Variants in GRAMD1C observed in about 807,000 individuals in gnomAD.
The protein encoded by GRAMD1C is protein Aster-C.
Under a neutral mutation model 97.8 loss-of-function variants are expected in GRAMD1C, and 89 were observed. The ratio of observed to expected loss-of-function variants is 0.91; its 90% CI spans 0.77 to 1.09. The LOEUF is 1.09. Among genes scored for constraint, GRAMD1C ranks in the 50% least tolerant of loss-of-function variants. The pLI, the probability that GRAMD1C is intolerant of heterozygous loss-of-function variation, is 0.00. For synonymous variants in GRAMD1C, 256 were observed against 267.0 expected, an observed-to-expected ratio of 0.96 and a Z score of 0.40; for missense variants, 740 against 766.4, an observed-to-expected ratio of 0.97 and a Z score of 0.41.
At chr3:113,885,056 G>A (rs1406688989) in intron 6 of GRAMD1C, among the ~76,000 whole-genome samples, 2 of 151,202 alleles carry the variant, frequency 1.3e-5, no homozygotes, top group Admixed American at 1.3e-4. Flanking sequence ...AGGCGTCGGT[G>A]CCACTCCCAG....
At chr3:113,931,555 CAG>C (rs1937423561) in intron 11 of GRAMD1C, among the ~76,000 whole-genome samples, 1 of 151,986 alleles carries the variant, frequency 6.6e-6, no homozygotes, top group Non-Finnish European at 1.5e-5. Flanking sequence ...GACGGGGTTT[CAG>C]CATGTTGGTT....
At chr3:113,901,749 G>A (rs1936179914) in intron 7 of GRAMD1C, among the ~76,000 whole-genome samples, 1 of 152,156 alleles carries the variant, frequency 6.6e-6, no homozygotes, top group South Asian at 2.1e-4. Context: ...ACCTCTACAA[G>A]TAAAAGTGCA....
At chr3:113,936,669 T>C in intron 14 of GRAMD1C, 1 of 368,462 alleles carries the variant, frequency 2.7e-6, no homozygotes, top group Non-Finnish European at 4.8e-6. Context: ...GGCCCATGTG[T>C]CATTTTAAGA....
intron 10 of GRAMD1C, 52 bp downstream of exon 10, chr3:113,915,890 C>A (rs774759652): frequency 8.1e-6 from 11 of 1,351,806 alleles, no homozygotes; most frequent in South Asian, 6.0e-5. Context: ...TGCTATTATT[C>A]TTAGAATATT....
At chr3:113,841,285 CTTTTTT>C (rs772233296) in intron 1 of GRAMD1C, among the ~76,000 whole-genome samples, 3 of 94,338 alleles carry the variant, frequency 3.2e-5, no homozygotes, top group African/African-American at 7.7e-5. Flanking sequence ...TTCTTTCTTT[CTTTTTT>C]TTTTTTTTTT....
chr3:113,910,382 CAAAAA>C (rs1163089450), intron 9 of GRAMD1C, among the ~76,000 whole-genome samples: 1 of 152,082 alleles, frequency 6.6e-6, no homozygotes, highest in Non-Finnish European at 1.5e-5. Flanking sequence ...GACTCCGTCT[CAAAAA>C]ACAAAACAAA....
At chr3:113,939,049 G>C (rs1937641425) in intron 15 of GRAMD1C, 1 of 152,102 alleles carries the variant, frequency 6.6e-6, no homozygotes. Flanking sequence ...TTACTCAAAA[G>C]TTGGAATATT....
chr3:113,918,267 T>C (rs1238807187), intron 10 of GRAMD1C, among the ~76,000 whole-genome samples: 1 of 152,182 alleles, frequency 6.6e-6, no homozygotes, highest in African/African-American at 2.4e-5. Context: ...GGAATCTATT[T>C]TGTATTTACT....
At position 113,946,501 on chromosome 3, in the gene GRAMD1C, A is replaced by G. The variant is rs922980127; in HGVS notation, c.*1023A>G. On this transcript the variant is annotated 3_prime_UTR_variant, in exon 18 of 18. Coordinates refer to ENST00000358160, the MANE Select transcript of GRAMD1C (RefSeq NM_017577.5). Reference sequence around the variant, plus strand: ...CTCAGATGCAAGCTTTGGCTCTTTCATAAAAAGTTTTTATGCATATGTGTC... The same window carrying G: ...CTCAGATGCAAGCTTTGGCTCTTTCGTAAAAAGTTTTTATGCATATGTGTC... 2 of 152,244 alleles carry G rather than the reference A, an allele frequency of 1.3e-5. No individual in the cohort carries two copies. The highest frequency in any genetic ancestry group is 4.8e-5 in the African/African-American group (2 of 41,464). 9.4% of individuals were successfully genotyped at this position (152,244 alleles called of 1,614,324 possible).
intron 2 of GRAMD1C, among the ~76,000 whole-genome samples, chr3:113,855,532 C>T (rs1489437528): frequency 6.6e-6 from 1 of 151,432 alleles, no homozygotes. Context: ...GGCAAAACCC[C>T]CTTTCTAATA....
chr3:113,885,764 T>C (rs542944037), intron 6 of GRAMD1C: 5 of 1,592,412 alleles, frequency 3.1e-6, no homozygotes, highest in Admixed American at 3.3e-5. Flanking sequence ...AGAGGAGATA[T>C]TACAGACAGC....
At chr3:113,870,100 G>A (rs908795279) in intron 3 of GRAMD1C, among the ~76,000 whole-genome samples, 6 of 152,202 alleles carry the variant, frequency 3.9e-5, no homozygotes, top group Middle Eastern at 3.4e-3. Flanking sequence ...GGTGACTCAT[G>A]CCTGTTATCC....
At chr3:113,932,042 G>A (rs1436047004) in intron 11 of GRAMD1C, among the ~76,000 whole-genome samples, 1 of 152,198 alleles carries the variant, frequency 6.6e-6, no homozygotes, top group Non-Finnish European at 1.5e-5. Context: ...TGACACATGG[G>A]AAGAGAATGA....
At chr3:113,877,783 T>A (rs1577154286) in intron 5 of GRAMD1C, among the ~76,000 whole-genome samples, 1 of 138,574 alleles carries the variant, frequency 7.2e-6, no homozygotes, top group South Asian at 2.2e-4. Context: ...TGGGGAAAGG[T>A]TTTTTTTTTT....
chr3:113,945,409 A>G lies in GRAMD1C; in HGVS notation c.1920A>G (p.Ser640=), dbSNP rs749785797. Reference sequence around the variant, plus strand: ...AACTTTGTTTACAGCTGAAGAGCTCACTCATTATGCTTCAGAAAACGTTTG... The same window carrying G: ...AACTTTGTTTACAGCTGAAGAGCTCGCTCATTATGCTTCAGAAAACGTTTG... ...SIVMLEQLKS[S]LIMLQKTFDL... The change falls in exon 18 of 18, where the codon TCA becomes TCG. Residue 640 remains serine, a synonymous_variant. Transcript: ENST00000358160. The G allele has an allele frequency of 1.3e-6, 2 of 1,574,254 alleles. No homozygotes were observed. Among genetic ancestry groups the G allele is most frequent in the Non-Finnish European group, 1.7e-6 (2 of 1,146,136 alleles).
chr3:113,862,112 C>T (rs1217618277), intron 2 of GRAMD1C, among the ~76,000 whole-genome samples: 1 of 152,098 alleles, frequency 6.6e-6, no homozygotes, highest in Non-Finnish European at 1.5e-5. Flanking sequence ...AGGACCAGGG[C>T]AAAATTAGAA....
intron 6 of GRAMD1C, among the ~76,000 whole-genome samples, chr3:113,884,954 G>A (rs1269038859): frequency 6.7e-5 from 1 of 14,894 alleles, no homozygotes; most frequent in Non-Finnish European, 1.2e-4. Context: ...CACCTCCCCC[G>A]CTGCCCCCTC....
chr3:113,920,321 T>G (rs1269339553), intron 10 of GRAMD1C: 1 of 387,820 alleles, frequency 2.6e-6, no homozygotes, highest in Non-Finnish European at 4.6e-6. Context: ...TATATATTAG[T>G]CTTCCTTTAT....
At chr3:113,870,375 C>T (rs1015768341) in intron 3 of GRAMD1C, among the ~76,000 whole-genome samples, 10 of 149,328 alleles carry the variant, frequency 6.7e-5, no homozygotes, top group South Asian at 2.1e-4. Context: ...CCCAAACCCC[C>T]GCTCAAAAAA....
Sources: allele counts gnomAD v4.1 joint callset (sites outside exome capture counted in the v4.1 genomes callset), GRCh38; gene constraint gnomAD v4.1.1; transcripts MANE v1.5; gene names NCBI Gene and HGNC (gene_info 2026-07-23, HGNC 2026-07-21).